The following MBNL2 variants were observed in gnomAD, a reference collection of about 807,000 sequenced individuals.
MBNL2 encodes muscleblind like splicing regulator 2.
MBNL2 carries 17 observed loss-of-function variants against 41.9 expected under a neutral mutation model. The observed-to-expected ratio is 0.41, with a 90% confidence interval of 0.28 to 0.61. The LOEUF (loss-of-function observed/expected upper bound fraction) is 0.61. Among genes scored for constraint, MBNL2 ranks in the 20% least tolerant of loss-of-function variants. MBNL2 has a pLI of 0.35. For missense variants in MBNL2, 336 were observed against 505.6 expected, an observed-to-expected ratio of 0.66 and a Z score of 3.22; for synonymous variants, 195 against 182.9, an observed-to-expected ratio of 1.07 and a Z score of -0.53.
At chr13:97,189,482 A>C in the MBNL2 span, among the ~76,000 whole-genome samples, 3 of 152,208 alleles carry the variant, frequency 2.0e-5, no homozygotes, top group Non-Finnish European at 2.9e-5. Context: ...ATAATTCCTC[A>C]TTTGTGTACG....
At chr13:97,170,835 C>T in the MBNL2 span, among the ~76,000 whole-genome samples, 1 of 152,162 alleles carries the variant, frequency 6.6e-6, no homozygotes, top group African/African-American at 2.4e-5. Flanking sequence ...CTCTCCCTAG[C>T]CTGGTGGTCT....
At chr13:97,198,675 T>C in the MBNL2 span, among the ~76,000 whole-genome samples, 48 of 152,090 alleles carry the variant, frequency 3.2e-4, no homozygotes, top group African/African-American at 1.1e-3. Context: ...TCGCAGTAAA[T>C]GGCAACTCCA....
At chr13:97,164,321 C>G in the MBNL2 span, among the ~76,000 whole-genome samples, 2 of 152,152 alleles carry the variant, frequency 1.3e-5, no homozygotes, top group African/African-American at 4.8e-5. Context: ...TATATTTTAT[C>G]AAGGCATTAA....
chr13:97,171,360 GA>G, the MBNL2 span, among the ~76,000 whole-genome samples: 1 of 151,096 alleles, frequency 6.6e-6, no homozygotes, highest in African/African-American at 2.4e-5. Context: ...ACTGGAATTT[GA>G]AAGCTGACAG....
rs1001782704 is a variant in MBNL2, at chr13:97,393,981, T to TAACA, written c.*2533_*2536dup. 2.6e-5 allele frequency: 4 copies of TAACA among 152,568 alleles called. No homozygotes were observed. The highest frequency in any genetic ancestry group is 5.9e-5 in the Non-Finnish European group (4 of 67,998). 9.5% of individuals were successfully genotyped at this position (152,568 alleles called of 1,614,324 possible). ...GTAACATTTCTACTAAATCTTTCTG[T>TAACA]AACACTTAAAGAATTCCCTCATTCA... On this transcript the variant is annotated 3_prime_UTR_variant, in exon 9 of 9. Transcript: ENST00000679496.
chr13:97,335,091 A>G (rs762481765), intron 3 of MBNL2, among the ~76,000 whole-genome samples: 1 of 152,240 alleles, frequency 6.6e-6, no homozygotes, highest in Non-Finnish European at 1.5e-5. Flanking sequence ...CCATTGTCAC[A>G]AGACCAAATG....
At chr13:97,229,013 T>G (rs1403324483) in intron 1 of MBNL2, among the ~76,000 whole-genome samples, 1 of 151,596 alleles carries the variant, frequency 6.6e-6, no homozygotes, top group Admixed American at 6.6e-5. Context: ...AACTTCAGTC[T>G]GACTTGGAGT....
chr13:97,328,410 A>T (rs1214696150), intron 2 of MBNL2, among the ~76,000 whole-genome samples: 1 of 152,092 alleles, frequency 6.6e-6, no homozygotes, highest in Non-Finnish European at 1.5e-5. Flanking sequence ...GCTGCGTCTA[A>T]AGCACATGCC....
chr13:97,299,100 C>G (rs778819403), intron 2 of MBNL2, among the ~76,000 whole-genome samples: 1 of 152,170 alleles, frequency 6.6e-6, no homozygotes, highest in East Asian at 1.9e-4. Context: ...TTGTGCTGGT[C>G]TGAAGAATCC....
At chr13:97,144,660 T>C in the MBNL2 span, among the ~76,000 whole-genome samples, 5 of 152,138 alleles carry the variant, frequency 3.3e-5, no homozygotes, top group East Asian at 9.7e-4. Flanking sequence ...CTCAAAACCC[T>C]GACCTCAGGT....
intron 1 of MBNL2, among the ~76,000 whole-genome samples, chr13:97,271,116 T>G (rs565112985): frequency 5.6e-4 from 85 of 151,548 alleles, no homozygotes; most frequent in African/African-American, 1.9e-3. Flanking sequence ...TTTTTTGTTT[T>G]TTTTTTTTTG....
intron 1 of MBNL2, among the ~76,000 whole-genome samples, chr13:97,230,238 C>T (rs777358895): frequency 1.9e-4 from 29 of 152,102 alleles, no homozygotes; most frequent in East Asian, 9.6e-4. Context: ...GCAGAGGTTG[C>T]GGTGAGCTGA....
chr13:97,319,389 C>T (rs1005029810), intron 2 of MBNL2, among the ~76,000 whole-genome samples: 3 of 152,082 alleles, frequency 2.0e-5, no homozygotes, highest in East Asian at 1.9e-4. Flanking sequence ...ACCAAGGGCA[C>T]TAAAGGCTGG....
At chr13:97,214,909 G>C in the MBNL2 span, among the ~76,000 whole-genome samples, 1 of 152,342 alleles carries the variant, frequency 6.6e-6, no homozygotes, top group East Asian at 1.9e-4. Flanking sequence ...GCTCATTGCT[G>C]CTTCCTCTTT....
intron 5 of MBNL2, among the ~76,000 whole-genome samples, chr13:97,349,140 A>G (rs535639323): frequency 6.6e-6 from 1 of 151,964 alleles, no homozygotes; most frequent in African/African-American, 2.4e-5. Context: ...TGGACCTAAT[A>G]TTTTTTTATT....
chr13:97,166,837 T>TAGATAGATAGATAGATAGAAAGAA, the MBNL2 span, among the ~76,000 whole-genome samples: 53 of 143,492 alleles, frequency 3.7e-4, no homozygotes, highest in African/African-American at 8.0e-4. Context: ...GATAGATAGA[T>TAGATAGATAGATAGATAGAAAGAA]AGAAAGATAG....
intron 1 of MBNL2, among the ~76,000 whole-genome samples, chr13:97,248,031 A>G (rs1359063083): frequency 6.6e-6 from 1 of 152,208 alleles, no homozygotes; most frequent in Admixed American, 6.5e-5. Flanking sequence ...ACTCCTTTCC[A>G]TATTTATTAT....
the MBNL2 span, among the ~76,000 whole-genome samples, chr13:97,189,642 C>G: frequency 1.3e-5 from 2 of 152,012 alleles, no homozygotes; most frequent in African/African-American, 4.8e-5. Flanking sequence ...GTATGTGTGT[C>G]CATTTGCATA....
the MBNL2 span, among the ~76,000 whole-genome samples, chr13:97,144,219 A>G: frequency 6.6e-6 from 1 of 151,864 alleles, no homozygotes; most frequent in African/African-American, 2.4e-5. Context: ...GCCTTCAGAA[A>G]CCTCGCCTTA....
Sources: allele counts gnomAD v4.1 joint callset (sites outside exome capture counted in the v4.1 genomes callset), GRCh38; gene constraint gnomAD v4.1.1; transcripts MANE v1.5; gene names NCBI Gene and HGNC (gene_info 2026-07-23, HGNC 2026-07-21).